RAPGEF6: variants seen among roughly 807,000 people sequenced by gnomAD.
RAPGEF6 encodes the protein PDZ domain containing guanine nucleotide exchange factor (GEF) 2.
In RAPGEF6, 56 loss-of-function variants were observed where a neutral mutation model predicts 171.4. The observed-to-expected ratio is 0.33, with a 90% CI of 0.26 to 0.41. The LOEUF (loss-of-function observed/expected upper bound fraction) is 0.41. Among genes scored for constraint, RAPGEF6 ranks in the 10% least tolerant of loss-of-function variants. RAPGEF6 has a pLI of 1.00. For missense variants in RAPGEF6, 1,674 were observed against 1,921.4 expected (o/e 0.87, Z 2.41); for synonymous variants, 692 against 650.1 (o/e 1.06, Z -0.98).
chr5:131,532,339 G>A (rs1420246771), intron 6 of RAPGEF6: 8 of 226,466 alleles, frequency 3.5e-5, no homozygotes, highest in Non-Finnish European at 6.4e-5. Context: ...AAATTAAAAC[G>A]TTCACTTTAA....
At chr5:131,528,155 TAA>T (rs11410156) in intron 6 of RAPGEF6, among the ~76,000 whole-genome samples, 1 of 123,600 alleles carries the variant, frequency 8.1e-6, no homozygotes, top group African/African-American at 3.1e-5. Context: ...ATATATAATA[TAA>T]AATATATATT....
chr5:131,461,384 A>G (rs1580859753), intron 19 of RAPGEF6, among the ~76,000 whole-genome samples: 1 of 152,296 alleles, frequency 6.6e-6, no homozygotes, highest in South Asian at 2.1e-4. Context: ...AAGTCTAATG[A>G]TAAAGACCAG....
intron 7 of RAPGEF6, among the ~76,000 whole-genome samples, chr5:131,513,044 ATC>A (rs1340234390): frequency 5.3e-5 from 8 of 152,318 alleles, no homozygotes; most frequent in African/African-American, 1.9e-4. Flanking sequence ...GGGCAACTGT[ATC>A]TCATGACTGA....
At chr5:131,618,290 G>A (rs1489376085) in intron 1 of RAPGEF6, among the ~76,000 whole-genome samples, 1 of 152,098 alleles carries the variant, frequency 6.6e-6, no homozygotes, top group African/African-American at 2.4e-5. Context: ...GGTGAGGAAA[G>A]CTCTTCTATA....
chr5:131,556,499 T>A (rs1178844156), intron 5 of RAPGEF6, among the ~76,000 whole-genome samples: 1 of 152,130 alleles, frequency 6.6e-6, no homozygotes, highest in Non-Finnish European at 1.5e-5. Flanking sequence ...CATACTACAT[T>A]AGGAATGTAC....
At chr5:131,436,381 A>G (rs1445280031) in intron 24 of RAPGEF6, 11 of 1,536,208 alleles carry the variant, frequency 7.2e-6, no homozygotes, top group Non-Finnish European at 9.6e-6. Flanking sequence ...GATACTGCCA[A>G]CTGGAGGGAG....
intron 1 of RAPGEF6, among the ~76,000 whole-genome samples, chr5:131,613,459 A>ATG (rs1050322958): frequency 4.7e-5 from 7 of 149,336 alleles, no homozygotes; most frequent in Non-Finnish European, 9.0e-5. Context: ...ATATATATAT[A>ATG]TGTATGTATG....
rs1761713439 is a variant in RAPGEF6 at position 131,563,177 on chromosome 5, A to G, written c.282-1130T>C. Among the ~76,000 whole-genome samples the G allele has an allele frequency of 3.9e-5, 6 of 152,158 alleles. 1 individual carries two copies. The South Asian group carries it at 1.2e-3, about 31-fold the overall frequency. On this transcript the variant is annotated intron_variant, in intron 4 of 27. Coordinates refer to ENST00000509018, the MANE Select transcript of RAPGEF6 (RefSeq NM_016340.6). ...AACCAAAAGTATTATCATATATGAA[A>G]ATTTAGTGCCAGTGTCAGTTAGTAA...
intron 4 of RAPGEF6, among the ~76,000 whole-genome samples, chr5:131,578,194 T>A (rs991776097): frequency 2.0e-5 from 3 of 152,156 alleles, no homozygotes; most frequent in Non-Finnish European, 4.4e-5. Flanking sequence ...TCCTTTTTTT[T>A]AACTTTTCTA....
chr5:131,614,281 C>CAAAAAAAAAAAAA (rs386404987), intron 1 of RAPGEF6, among the ~76,000 whole-genome samples: 3 of 81,424 alleles, frequency 3.7e-5, no homozygotes, highest in African/African-American at 1.7e-4. Context: ...GACTCTGTCT[C>CAAAAAAAAAAAAA]AAAAAAAAAA....
At chr5:131,463,675 AT>A in intron 18 of RAPGEF6, 2 of 873,486 alleles carry the variant, frequency 2.3e-6, no homozygotes, top group South Asian at 1.1e-4. Context: ...AATTTTTAAA[AT>A]TTTCCTGCAT....
chr5:131,558,610 A>G (rs570825292), intron 5 of RAPGEF6, among the ~76,000 whole-genome samples: 36 of 152,220 alleles, frequency 2.4e-4, no homozygotes, highest in African/African-American at 8.4e-4. Flanking sequence ...CTTAAATTTC[A>G]CAACAAGAAA....
At position 131,489,612 on chromosome 5, in the gene RAPGEF6, T is replaced by C. The variant is rs561987263; in HGVS notation, c.1774A>G (p.Met592Val). 3 of 1,595,836 alleles carry C rather than the reference T, an allele frequency of 1.9e-6. No homozygotes were observed. The African/African-American group carries it at 4.0e-5, about 21-fold the overall frequency. Residue 592 changes from methionine to valine, a missense_variant, in exon 15 of 28, where the codon ATG becomes GTG. By Grantham distance (21) the Met-to-Val change is conservative. Transcript: ENST00000509018. The part of the protein sequence containing the change: ...NGQNFENITF[M>V]KAVEILRNNT... ...TTCCTCAAAATTTCAACGGCTTTCA[T>C]AAATGTAATATTCTCAAAGTTTTGT... is the stretch of plus-strand genomic sequence containing the variant.
intron 22 of RAPGEF6, among the ~76,000 whole-genome samples, chr5:131,444,926 G>C (rs779665734): frequency 6.6e-6 from 1 of 152,170 alleles, no homozygotes; most frequent in Non-Finnish European, 1.5e-5. Context: ...TACTCTTTCA[G>C]CTTTTACCTT....
chr5:131,440,375 A>C, intron 23 of RAPGEF6: 1 of 368,988 alleles, frequency 2.7e-6, no homozygotes, highest in Non-Finnish European at 5.3e-6. Flanking sequence ...CAATGCTTTC[A>C]ATATATTGAC....
rs191571801 is a variant in RAPGEF6, at chr5:131,571,732, G to A, written c.282-9685C>T. On this transcript the variant is annotated intron_variant, in intron 4 of 27. Coordinates refer to ENST00000509018, the MANE Select transcript of RAPGEF6 (RefSeq NM_016340.6). The stretch of plus-strand genomic sequence containing the variant: ...AACAAACTGATGCTAGAAATCATAC[G>A]GAACTGCAAAGAACATATGAAAACA... Among the ~76,000 whole-genome samples, 142 of 152,136 alleles carry A rather than the reference G, an allele frequency of 9.3e-4. 1 individual carries two copies. The highest frequency in any genetic ancestry group is 6.0e-3 in the South Asian group (29 of 4,808).
intron 26 of RAPGEF6, 45 bp downstream of exon 26, chr5:131,430,814 A>T: frequency 6.3e-7 from 1 of 1,579,436 alleles, no homozygotes; most frequent in African/African-American, 1.4e-5. Flanking sequence ...CCATTTTTTG[A>T]CTACTTAATC....
chr5:131,437,695 CT>C (rs1376073556), intron 24 of RAPGEF6, among the ~76,000 whole-genome samples: 1 of 152,138 alleles, frequency 6.6e-6, no homozygotes, highest in East Asian at 1.9e-4. Flanking sequence ...CTGTTTTTAT[CT>C]CCTGTTTCAT....
chr5:131,569,126 A>G (rs1036399186), intron 4 of RAPGEF6, among the ~76,000 whole-genome samples: 4 of 152,232 alleles, frequency 2.6e-5, no homozygotes, highest in African/African-American at 4.8e-5. Flanking sequence ...TGGAAACACA[A>G]TATAGTTAAG....
Sources: gnomAD v4.1 joint callset for allele counts (sites outside exome capture counted in the v4.1 genomes callset) on GRCh38, gnomAD v4.1.1 for gene constraint, MANE v1.5 for transcripts, NCBI Gene and HGNC (gene_info 2026-07-23, HGNC 2026-07-21) for gene names.